CDH11: variants seen among roughly 807,000 people sequenced by gnomAD.
CDH11 encodes the protein cadherin-11.
A neutral mutation model predicts 67.8 loss-of-function variants in CDH11; 11 were observed. That is an observed-to-expected ratio of 0.16 (90% CI 0.10 to 0.27). The LOEUF is 0.27. Among genes scored for constraint, CDH11 ranks in the 10% least tolerant of loss-of-function variants. The probability of loss-of-function intolerance (pLI) is 1.00; values close to 1 mark genes in which losing one functional copy is unlikely to be tolerated. For synonymous variants in CDH11, 419 were observed against 400.0 expected, an observed-to-expected ratio of 1.05 and a Z score of -0.57; for missense variants, 847 against 1,031.2, an observed-to-expected ratio of 0.82 and a Z score of 2.45.
intron 6 of CDH11, among the ~76,000 whole-genome samples, chr16:64,990,172 G>A (rs990146167): frequency 2.0e-5 from 3 of 152,176 alleles, no homozygotes; most frequent in Non-Finnish European, 2.9e-5. Flanking sequence ...CTATGACCAA[G>A]GGCAGTAAAG....
intron 8 of CDH11, among the ~76,000 whole-genome samples, chr16:64,977,129 G>A (rs954325987): frequency 2.0e-5 from 3 of 152,166 alleles, no homozygotes; most frequent in Non-Finnish European, 4.4e-5. Context: ...AGCGCAGGGA[G>A]CTCAAGTCTT....
intron 1 of CDH11, among the ~76,000 whole-genome samples, chr16:65,058,045 G>A (rs2074175140): frequency 6.6e-6 from 1 of 152,054 alleles, no homozygotes; most frequent in African/African-American, 2.4e-5. Flanking sequence ...GACCAGCCTG[G>A]GCAATATGGC....
intron 11 of CDH11, among the ~76,000 whole-genome samples, chr16:64,954,951 A>ATAAAT (rs544404471): frequency 6.9e-6 from 1 of 144,890 alleles, no homozygotes; most frequent in Admixed American, 6.7e-5. Context: ...TAAAAAATAA[A>ATAAAT]AAAAAAAAAA....
chr16:65,073,553 A>T (rs1328968374), intron 1 of CDH11, among the ~76,000 whole-genome samples: 1 of 152,168 alleles, frequency 6.6e-6, no homozygotes, highest in Non-Finnish European at 1.5e-5. Flanking sequence ...AAGTGCTGGG[A>T]TGTTATAGGC....
At chr16:64,996,131 T>G (rs780396767) in intron 4 of CDH11, among the ~76,000 whole-genome samples, 1 of 152,134 alleles carries the variant, frequency 6.6e-6, no homozygotes, top group Non-Finnish European at 1.5e-5. Flanking sequence ...ACATATACAC[T>G]GCTGGTTGGA....
chr16:65,091,586 CTG>C, intron 1 of CDH11, among the ~76,000 whole-genome samples: 1 of 147,274 alleles, frequency 6.8e-6, no homozygotes, highest in East Asian at 2.0e-4. Flanking sequence ...GAGTCTCACT[CTG>C]TGGCCCGGGC....
At position 64,975,981 on chromosome 16, in the gene CDH11, G is replaced by A. The variant is rs540118160; in HGVS notation, c.1254-2941C>T. On this transcript the variant is annotated intron_variant, in intron 8 of 12. Transcript: ENST00000268603. ...AAAGAAAAGACTCAACTCTATTGCAGGCTTCAGGAAGTCAGGGGTGGAAAC... is the reference window on the plus strand; with the variant it reads ...AAAGAAAAGACTCAACTCTATTGCAAGCTTCAGGAAGTCAGGGGTGGAAAC... Among the ~76,000 whole-genome samples the A allele has an allele frequency of 6.8e-4, 103 of 152,306 alleles. 1 individual carries two copies. The South Asian group carries it at 0.015, about 22-fold the overall frequency.
chr16:65,081,101 A>C (rs1264480897), intron 1 of CDH11, among the ~76,000 whole-genome samples: 1 of 152,216 alleles, frequency 6.6e-6, no homozygotes, highest in African/African-American at 2.4e-5. Flanking sequence ...ATAATCGTTA[A>C]TACTATATGC....
chr16:64,968,580 C>G, intron 11 of CDH11: 3 of 984,426 alleles, frequency 3.0e-6, no homozygotes, highest in Non-Finnish European at 3.6e-6. Context: ...GGCTGCAGAA[C>G]GGAATAAGAT....
At chr16:65,068,786 T>C (rs939736218) in intron 1 of CDH11, among the ~76,000 whole-genome samples, 2 of 152,238 alleles carry the variant, frequency 1.3e-5, no homozygotes, top group African/African-American at 2.4e-5. Context: ...TTGATGTTCT[T>C]GTTTTGTCTC....
chr16:64,980,197 A>G (rs1316399279), intron 8 of CDH11, among the ~76,000 whole-genome samples: 1 of 152,214 alleles, frequency 6.6e-6, no homozygotes, highest in South Asian at 2.1e-4. Flanking sequence ...AATAAATTGT[A>G]CAAGTTGAAC....
chr16:64,996,254 A>G (rs1170867955), intron 4 of CDH11, among the ~76,000 whole-genome samples: 1 of 152,030 alleles, frequency 6.6e-6, no homozygotes, highest in African/African-American at 2.4e-5. Flanking sequence ...CTTTGGGAGG[A>G]CGAGGTGAGC....
At chr16:65,067,380 G>A (rs1356810964) in intron 1 of CDH11, among the ~76,000 whole-genome samples, 1 of 152,164 alleles carries the variant, frequency 6.6e-6, no homozygotes, top group Admixed American at 6.5e-5. Context: ...GGCAGTGGGG[G>A]TACAAGAGTG....
chr16:65,052,023 G>A (rs2074064367), intron 2 of CDH11, among the ~76,000 whole-genome samples: 1 of 152,152 alleles, frequency 6.6e-6, no homozygotes, highest in South Asian at 2.1e-4. Context: ...GAAGGAGTAA[G>A]GGGAGTGATA....
chr16:65,083,177 C>T (rs141642916), intron 1 of CDH11, among the ~76,000 whole-genome samples: 72 of 152,268 alleles, frequency 4.7e-4, no homozygotes, highest in African/African-American at 1.5e-3. Context: ...CTTGAATTAG[C>T]CACCAGCTCC....
Position 64,972,965 on chromosome 16 carries a change from T to C in CDH11, c.1329A>G (p.Thr443=). The change falls in exon 9 of 13, where the codon ACA becomes ACG. Residue 443 remains threonine (T), a synonymous_variant. Coordinates refer to ENST00000268603, the MANE Select transcript of CDH11 (RefSeq NM_001797.4). ...INPEDGFIKT[T]KPLDREETAW... ...CTGTTTCCTCTCTATCCAGAGGTTT[T>C]GTAGTTTTAATAAAACCATCCTCTG... 6.2e-7 allele frequency: 1 copy of C among 1,613,738 alleles called. No individual in the cohort carries two copies. Among genetic ancestry groups the C allele is most frequent in the African/African-American group, 1.3e-5 (1 of 75,034 alleles).
At chr16:65,074,332 A>C (rs2074470079) in intron 1 of CDH11, among the ~76,000 whole-genome samples, 1 of 152,120 alleles carries the variant, frequency 6.6e-6, no homozygotes, top group African/African-American at 2.4e-5. Context: ...AACTGCAGGA[A>C]ATAGCAAGAG....
intron 7 of CDH11, among the ~76,000 whole-genome samples, chr16:64,984,473 C>A (rs2072434721): frequency 6.6e-6 from 1 of 152,170 alleles, no homozygotes; most frequent in South Asian, 2.1e-4. Context: ...ACATTTATAT[C>A]CATGTTATGA....
intron 4 of CDH11, among the ~76,000 whole-genome samples, chr16:64,997,507 CTTGACACTCAG>C (rs2072805126): frequency 6.6e-6 from 1 of 151,976 alleles, no homozygotes; most frequent in African/African-American, 2.4e-5. Context: ...CATCCCCACC[CTTGACACTCAG>C]TTGCTGACAC....
Sources: allele counts gnomAD v4.1 joint callset (sites outside exome capture counted in the v4.1 genomes callset), GRCh38; gene constraint gnomAD v4.1.1; transcripts MANE v1.5; gene names NCBI Gene and HGNC (gene_info 2026-07-23, HGNC 2026-07-21).